Variants in AKT2 observed in about 807,000 individuals in gnomAD.
AKT2 encodes the protein AKT serine/threonine kinase 2.
In AKT2, 16 loss-of-function variants were observed where a neutral mutation model predicts 58.6. The ratio of observed to expected loss-of-function variants is 0.27; its 90% CI spans 0.18 to 0.41. AKT2 has a LOEUF of 0.41. Among genes scored for constraint, AKT2 ranks in the 10% least tolerant of loss-of-function variants. The pLI, the probability that AKT2 is intolerant of heterozygous loss-of-function variation, is 1.00. For missense variants in AKT2, 438 were observed against 661.0 expected (o/e 0.66, Z 3.70); for synonymous variants, 253 against 254.0 (o/e 1.00, Z 0.04).
rs200907658 is a variant in AKT2, at chr19:40,265,198, T to C, written c.46+24A>G. On this transcript the variant is annotated intron_variant, in intron 2 of 13. Transcript: ENST00000392038. ...AGGAGCCAGCGTGGGAGAAAGAATCTGGCGGGCAAAAGCGGCCTCTTACCA... is the reference window on the plus strand; with the variant it reads ...AGGAGCCAGCGTGGGAGAAAGAATCCGGCGGGCAAAAGCGGCCTCTTACCA... 1.6e-4 allele frequency: 252 copies of C among 1,610,548 alleles called. 2 individuals carry two copies. The East Asian group carries it at 5.6e-3, about 36-fold the overall frequency.
intron 1 of AKT2, chr19:40,280,666 C>T (rs562671496): frequency 2.0e-5 from 3 of 152,884 alleles, no homozygotes; most frequent in South Asian, 2.1e-4. Context: ...CACAGGCCTC[C>T]GTGAGGCTTG....
At chr19:40,266,622 C>G (rs1327879616) in intron 1 of AKT2, among the ~76,000 whole-genome samples, 2 of 152,158 alleles carry the variant, frequency 1.3e-5, no homozygotes, top group African/African-American at 4.8e-5. Context: ...CCCAAGCACA[C>G]AGGACTGCCA....
chr19:40,231,383 G>A lies in AKT2; in HGVS notation c.*2489C>T, dbSNP rs1973694677. The A allele has an allele frequency of 4.3e-6, 1 of 233,106 alleles. No individual in the cohort carries two copies. The highest frequency in any genetic ancestry group is 8.5e-6 in the Non-Finnish European group (1 of 118,022). The allele number at this position is 233,106 out of a possible 1,614,324, so 14.4% of individuals were successfully genotyped here. ...TTCTTCATAGGCCTGCCTATTTTAT[G>A]ACCACCAGGGTAGACTTTTGTAATT... On this transcript the variant is annotated 3_prime_UTR_variant, in exon 14 of 14. Transcript: ENST00000392038.
At chr19:40,245,315 G>A (rs185529814) in intron 4 of AKT2, among the ~76,000 whole-genome samples, 32 of 152,282 alleles carry the variant, frequency 2.1e-4, no homozygotes, top group African/African-American at 7.0e-4. Flanking sequence ...GAGGCTGGAG[G>A]ACTGCTTGAG....
intron 9 of AKT2, chr19:40,236,733 G>A (rs1974056440): frequency 2.9e-6 from 1 of 348,788 alleles, no homozygotes; most frequent in Admixed American, 4.1e-5. Context: ...CTTTAATTAT[G>A]AAATATGCAG....
intron 3 of AKT2, among the ~76,000 whole-genome samples, chr19:40,256,418 C>G (rs1217851587): frequency 6.6e-6 from 1 of 152,172 alleles, no homozygotes. Context: ...GTGGACAGGA[C>G]CATATTCTCC....
At chr19:40,241,519 A>G (rs1599977936) in intron 6 of AKT2, 1 of 271,092 alleles carries the variant, frequency 3.7e-6, no homozygotes, top group Admixed American at 5.0e-5. Context: ...TTCTTTTTAA[A>G]TTTTTGAATG....
At position 40,242,496 on chromosome 19, in the gene AKT2, C is replaced by T. The variant is rs550281303; in HGVS notation, c.441+38G>A. The T allele has an allele frequency of 1.1e-5, 17 of 1,611,932 alleles. No individual in the cohort carries two copies. In the South Asian group the frequency reaches 1.6e-4, roughly 16 times the overall value. ...AGGCCAGCACTGGGGGTGGGGGCAC[C>T]GCAGGCTGGCAGCCCCACCCCTGCT... is the stretch of plus-strand genomic sequence containing the variant. On this transcript the variant is annotated intron_variant, in intron 5 of 13. Coordinates refer to ENST00000392038, the MANE Select transcript of AKT2 (RefSeq NM_001626.6). The surrounding 1 kb of genome is among the most constrained non-coding windows in gnomAD (Gnocchi z 4.3).
chr19:40,235,332 G>T lies in AKT2; in HGVS notation c.1194C>A (p.Ser398Arg). 1.2e-6 allele frequency: 2 copies of T among 1,613,828 alleles called. No homozygotes were observed. The highest frequency in any genetic ancestry group is 1.7e-6 in the Non-Finnish European group (2 of 1,180,016). ...TGTGCTCCATGACCTCCTTGGCATC[G>T]CTGGGCCCCCCACCAAGCCTGTGCA... is the stretch of plus-strand genomic sequence containing the variant. ...DPKQRLGGGP[S>R]DAKEVMEHRF... Residue 398 changes from serine to arginine, a missense_variant, in exon 12 of 14, where the codon AGC (serine) becomes AGA (arginine). Transcript: ENST00000392038. The surrounding 1 kb of genome is among the most constrained non-coding windows in gnomAD (Gnocchi z 6.3).
rs1227207335 is a variant in AKT2, at chr19:40,265,263, T to C, written c.5A>G (p.Asn2Ser). 2 of 1,613,186 alleles carry C rather than the reference T, an allele frequency of 1.2e-6. No individual in the cohort carries two copies. The highest frequency in any genetic ancestry group is 2.7e-5 in the African/African-American group (2 of 74,914). Residue 2 changes from asparagine (N) to serine (S), a missense_variant, in exon 2 of 14, where the codon AAT becomes AGT. By Grantham distance (46) the Asn-to-Ser change is conservative. Transcript: ENST00000392038. ...GCCTTCTTTGATGACAGACACCTCATTCATGGTGGCAGCGTGGTACGCTGT... is the reference window on the plus strand; with the variant it reads ...GCCTTCTTTGATGACAGACACCTCACTCATGGTGGCAGCGTGGTACGCTGT... Reference protein sequence around the residue: MNEVSVIKEGWL... With the variant: MSEVSVIKEGWL...
At chr19:40,281,975 G>A (rs2077431523) in intron 1 of AKT2, among the ~76,000 whole-genome samples, 1 of 152,138 alleles carries the variant, frequency 6.6e-6, no homozygotes, top group African/African-American at 2.4e-5. Context: ...ACAAGGGTTG[G>A]GGAGCCTGCT....
At position 40,231,275 on chromosome 19, in the gene AKT2, T is replaced by A. The variant is rs894278679; in HGVS notation, c.*2597A>T. ...GAGGTAGCCAGGCCTGTGCCCACAC[T>A]ACGAGACCTGCATCACCATGGTGTG... On this transcript the variant is annotated 3_prime_UTR_variant, in exon 14 of 14. Transcript: ENST00000392038. 4.3e-6 allele frequency: 1 copy of A among 232,172 alleles called. No individual in the cohort carries two copies. The highest frequency in any genetic ancestry group is 2.2e-5 in the African/African-American group (1 of 45,274). 14.4% of individuals were successfully genotyped at this position (232,172 alleles called of 1,614,324 possible). A position where few individuals can be genotyped will look rare whatever the true frequency, so the allele number is the denominator to read the frequency against.
rs140987550 is a variant in AKT2 at position 40,236,276 on chromosome 19, G to A, written c.941C>T (p.Pro314Leu). ...AGACACCTCAGGCGCCAGGTACTCC[G>A]GGGTCCCACAGAAGGTTTTCATGGT... ...GATMKTFCGT[P>L]EYLAPEVLED... is the part of the protein sequence containing the mutation. The change falls in exon 10 of 14, where the codon CCG becomes CTG. Residue 314 changes from proline (P) to leucine (L), a missense_variant. By Grantham distance (98) the Pro-to-Leu change is moderately conservative. Around this residue, in one of 3 missense-constraint regions of AKT2, gnomAD observed 46 missense variants for 114.5 expected, o/e 0.40. Transcript: ENST00000392038. 6.2e-7 allele frequency: 1 copy of A among 1,613,810 alleles called. No individual in the cohort carries two copies. The highest frequency in any genetic ancestry group is 8.5e-7 in the Non-Finnish European group (1 of 1,180,034).
chr19:40,261,344 C>T (rs1329539927), intron 2 of AKT2, among the ~76,000 whole-genome samples: 1 of 151,892 alleles, frequency 6.6e-6, no homozygotes, highest in Admixed American at 6.6e-5. Context: ...ACCAGCCTGG[C>T]CAACATGGTG....
chr19:40,273,072 G>A lies in AKT2; in HGVS notation c.-84-7721C>T, dbSNP rs10418387. On this transcript the variant is annotated intron_variant, in intron 1 of 13. Transcript: ENST00000392038. ...AATATTATCATCACTGGCCAGGCGC[G>A]GTGGCTCATGACTGTAATCCCAGCA... 4.7e-3 allele frequency among the ~76,000 whole-genome samples: 717 copies of A among 152,248 alleles called. 7 individuals are homozygous for A. Among genetic ancestry groups the A allele is most frequent in the African/African-American group, 0.017 (693 of 41,548 alleles).
chr19:40,236,249 CCA>C lies in AKT2; in HGVS notation c.960+6_960+7del. Reference sequence around the variant, plus strand: ...TCACACGTTCCTACCCCCACCAACCCCAGACACCTCAGGCGCCAGGTACTCCG... The same window carrying C: ...TCACACGTTCCTACCCCCACCAACCCGACACCTCAGGCGCCAGGTACTCCG... On this transcript the variant is annotated splice_donor_region_variant and intron_variant, in intron 10 of 13. Transcript: ENST00000392038. The C allele has an allele frequency of 1.2e-6, 2 of 1,613,748 alleles. No homozygotes were observed. Among genetic ancestry groups the C allele is most frequent in the Non-Finnish European group, 1.7e-6 (2 of 1,180,016 alleles).
intron 7 of AKT2, chr19:40,239,533 A>C (rs577404981): frequency 6.2e-5 from 20 of 324,958 alleles, no homozygotes; most frequent in South Asian, 5.1e-4. Context: ...GCTTAATAGG[A>C]TACCTGGACA....
chr19:40,284,972 A>C, intron 1 of AKT2: 2 of 329,288 alleles, frequency 6.1e-6, no homozygotes, highest in Non-Finnish European at 5.4e-6. Context: ...CCACCGCCTC[A>C]GTGGTATGGC....
chr19:40,247,065 T>G (rs1015175226), intron 4 of AKT2, among the ~76,000 whole-genome samples: 2 of 152,180 alleles, frequency 1.3e-5, no homozygotes, highest in African/African-American at 4.8e-5. Context: ...TGGGAGTAAC[T>G]GGGGCTCGCC....
Sources: allele counts gnomAD v4.1 joint callset (sites outside exome capture counted in the v4.1 genomes callset), GRCh38; gene constraint gnomAD v4.1.1; regional missense constraint gnomAD v4.1.1; non-coding constraint Gnocchi (gnomAD v3.1); transcripts MANE v1.5; gene names NCBI Gene and HGNC (gene_info 2026-07-23, HGNC 2026-07-21).